The following GSE1 variants were observed in gnomAD, a reference collection of about 807,000 sequenced individuals.
GSE1 encodes Gse1 coiled-coil protein.
In GSE1, 32 loss-of-function variants were observed where a neutral mutation model predicts 112.6. The ratio of observed to expected loss-of-function variants is 0.28; its 90% CI spans 0.21 to 0.38. The LOEUF (loss-of-function observed/expected upper bound fraction) is 0.38, where lower values mean the gene tolerates loss of function less well. Among genes scored for constraint, GSE1 ranks in the 10% least tolerant of loss-of-function variants. The probability of loss-of-function intolerance (pLI) is 1.00; values close to 1 mark genes in which losing one functional copy is unlikely to be tolerated. For missense variants in GSE1, 2,348 were observed against 1,699.2 expected (o/e 1.38, Z -6.71); for synonymous variants, 1,115 against 735.6 (o/e 1.52, Z -8.35).
chr16:85,573,319 C>T (rs982586316), intron 1 of GSE1, among the ~76,000 whole-genome samples: 4 of 152,170 alleles, frequency 2.6e-5, no homozygotes, highest in African/African-American at 9.7e-5. Context: ...ATAGCCAAGT[C>T]GTCTGTCCTG....
At chr16:85,396,557 A>G (rs370090285) in intron 2 of GSE1, among the ~76,000 whole-genome samples, 29 of 152,352 alleles carry the variant, frequency 1.9e-4, no homozygotes, top group African/African-American at 6.5e-4. Context: ...TGCCAGAGGC[A>G]GCTGCCCACC....
At chr16:85,494,852 G>C (rs568678785) in intron 2 of GSE1, among the ~76,000 whole-genome samples, 1 of 152,350 alleles carries the variant, frequency 6.6e-6, no homozygotes, top group Non-Finnish European at 1.5e-5. Context: ...AAGCCCAGAA[G>C]GGCGAGGTGC....
chr16:85,597,431 T>C (rs1337147978), intron 1 of GSE1, among the ~76,000 whole-genome samples: 1 of 150,322 alleles, frequency 6.7e-6, no homozygotes, highest in Admixed American at 6.6e-5. Flanking sequence ...AGCAGTATTC[T>C]ACAAGTTTAC....
At chr16:85,614,747 A>T (rs979074298) in intron 1 of GSE1, among the ~76,000 whole-genome samples, 1 of 152,134 alleles carries the variant, frequency 6.6e-6, no homozygotes, top group East Asian at 1.9e-4. Flanking sequence ...TTTAAAACAC[A>T]CTAAACCCTT....
chr16:85,665,877 TTTG>T (rs2052809414), intron 12 of GSE1, 96 bp from the exon 13 acceptor site: 1 of 1,173,474 alleles, frequency 8.5e-7, no homozygotes, highest in South Asian at 1.3e-5. Context: ...GCGCTAGGTC[TTTG>T]TTAAGTGTAA....
At chr16:85,197,440 C>T (rs1299085407) in intron 1 of GSE1, among the ~76,000 whole-genome samples, 1 of 152,232 alleles carries the variant, frequency 6.6e-6, no homozygotes, top group East Asian at 1.9e-4. Flanking sequence ...GCGTCTTTAA[C>T]TCAATTCCTG....
rs1210035521 is a variant in GSE1 at position 85,170,059 on chromosome 16, ACCGACCC to A, written c.538_544del (p.Asp180PhefsTer91). The A allele has an allele frequency of 2.0e-6, 2 of 984,538 alleles. No homozygotes were observed. The highest frequency in any genetic ancestry group is 2.4e-6 in the Non-Finnish European group (2 of 829,686). The allele number at this position is 984,538 out of a possible 1,614,324, so 61.0% of individuals were successfully genotyped here. A position where few individuals can be genotyped will look rare whatever the true frequency, so the allele number is the denominator to read the frequency against. ...CTCCGACCTGTCGGAGCTGTCGGACACCGACCCCCTTTCCGAGCCCGACCCGCCCGCG... is the reference window on the plus strand; with the variant it reads ...CTCCGACCTGTCGGAGCTGTCGGACACCTTTCCGAGCCCGACCCGCCCGCG... On this transcript the variant is annotated frameshift_variant, in exon 1 of 3. Transcript: ENST00000637419. LOFTEE classifies it high-confidence loss of function.
At chr16:85,206,894 G>A (rs1038324996) in intron 1 of GSE1, among the ~76,000 whole-genome samples, 4 of 140,260 alleles carry the variant, frequency 2.9e-5, no homozygotes, top group Middle Eastern at 3.9e-3. Flanking sequence ...GGCAGGCAAA[G>A]TGCTAATTCC....
intron 1 of GSE1, among the ~76,000 whole-genome samples, chr16:85,243,545 C>A (rs1327055359): frequency 3.9e-5 from 6 of 152,174 alleles, no homozygotes; most frequent in Non-Finnish European, 8.8e-5. Context: ...TCCTGGAAGG[C>A]GGGGCTGGGA....
chr16:85,449,484 G>T (rs2151798949), intron 2 of GSE1, among the ~76,000 whole-genome samples: 1 of 152,360 alleles, frequency 6.6e-6, no homozygotes, highest in African/African-American at 2.4e-5. Context: ...GGCCACCTTT[G>T]GCCACAGGGT....
chr16:85,246,187 G>C (rs1295571881), intron 1 of GSE1, among the ~76,000 whole-genome samples: 1 of 140,308 alleles, frequency 7.1e-6, no homozygotes, highest in Non-Finnish European at 1.5e-5. Context: ...GGATGCCCCA[G>C]CTTCAGGGAC....
intron 1 of GSE1, among the ~76,000 whole-genome samples, chr16:85,255,844 A>G (rs1445673043): frequency 1.3e-5 from 2 of 151,942 alleles, no homozygotes; most frequent in Non-Finnish European, 2.9e-5. Context: ...GTGCATGACC[A>G]TGCCTGGCTC....
intron 2 of GSE1, chr16:85,463,201 A>C (rs2050024625): frequency 3.0e-5 from 23 of 765,548 alleles, no homozygotes; most frequent in Non-Finnish European, 3.7e-5. Flanking sequence ...CGCGCCACCC[A>C]CCCGGGGCTG....
chr16:85,547,107 T>C (rs1232654533), intron 2 of GSE1, among the ~76,000 whole-genome samples: 1 of 152,208 alleles, frequency 6.6e-6, no homozygotes, highest in Non-Finnish European at 1.5e-5. Flanking sequence ...TCTCAGTCCC[T>C]GTGACACACC....
At chr16:85,177,858 C>T (rs1400475534) in intron 1 of GSE1, among the ~76,000 whole-genome samples, 3 of 152,204 alleles carry the variant, frequency 2.0e-5, no homozygotes, top group Non-Finnish European at 2.9e-5. Flanking sequence ...ACGCTATACC[C>T]TGGCAGTGCT....
intron 1 of GSE1, among the ~76,000 whole-genome samples, chr16:85,256,527 GGC>G (rs1907098462): frequency 6.6e-6 from 1 of 152,216 alleles, no homozygotes; most frequent in Non-Finnish European, 1.5e-5. Flanking sequence ...GGGCCGCCCA[GGC>G]ACGTTCCTTG....
chr16:85,316,046 C>A lies in GSE1; in HGVS notation c.2284-41417C>A, dbSNP rs553878144. Among the ~76,000 whole-genome samples the A allele has an allele frequency of 3.3e-4, 50 of 152,316 alleles. No homozygotes were observed. The Middle Eastern group carries it at 0.01, about 31-fold the overall frequency. On this transcript the variant is annotated intron_variant, in intron 1 of 2. Coordinates refer to the GSE1 transcript ENST00000637419. Reference sequence around the variant, plus strand: ...TCAGCGCTCAGAGCCATCGAATGTCCCACCCGATGGACGGCAGAGGCCATC... The same window carrying A: ...TCAGCGCTCAGAGCCATCGAATGTCACACCCGATGGACGGCAGAGGCCATC...
At chr16:85,553,179 G>A (rs575468851), upstream of GSE1, among the ~76,000 whole-genome samples, 372 of 149,488 alleles carry the variant, frequency 2.5e-3, 2 homozygotes, top group African/African-American at 8.6e-3. Flanking sequence ...CAGCTCGCGG[G>A]TGATAAATGG....
chr16:85,294,173 G>A (rs2045298705), intron 1 of GSE1, among the ~76,000 whole-genome samples: 1 of 152,100 alleles, frequency 6.6e-6, no homozygotes, highest in South Asian at 2.1e-4. Flanking sequence ...AGATCCCCGG[G>A]GTCCCTTCTG....
Sources: gnomAD v4.1 joint callset for allele counts (sites outside exome capture counted in the v4.1 genomes callset) on GRCh38, gnomAD v4.1.1 for gene constraint, MANE v1.5 for transcripts, NCBI Gene and HGNC (gene_info 2026-07-23, HGNC 2026-07-21) for gene names.